The following CFAP97 variants were observed in gnomAD, a reference collection of about 807,000 sequenced individuals.
The protein encoded by CFAP97 is cilia- and flagella-associated protein 97.
In CFAP97, 36 loss-of-function variants were observed where a neutral mutation model predicts 43.1. The ratio of observed to expected loss-of-function variants is 0.84; its 90% confidence interval spans 0.64 to 1.10. The LOEUF is 1.10. CFAP97 is among the 50% of genes least tolerant of loss of function. The pLI, the probability that CFAP97 is intolerant of heterozygous loss-of-function variation, is 0.00. For synonymous variants in CFAP97, 228 were observed against 225.7 expected, an observed-to-expected ratio of 1.01 and a Z score of -0.09; for missense variants, 657 against 620.3, an observed-to-expected ratio of 1.06 and a Z score of -0.63.
rs984490599 is a variant in CFAP97 at position 185,162,553 on chromosome 4, T to C, written c.*245A>G. The C allele has an allele frequency of 1.7e-5, 8 of 463,432 alleles. No homozygotes were observed. In the South Asian group the frequency reaches 1.8e-4, roughly 10 times the overall value. The allele number at this position is 463,432 out of a possible 1,614,324, so 28.7% of individuals were successfully genotyped here. A position where few individuals can be genotyped will look rare whatever the true frequency, so the allele number is the denominator to read the frequency against. ...CAACTGAATAATTAGAAGATACACA[T>C]GCATACCACTATTTCTCTATTAAGA... On this transcript the variant is annotated 3_prime_UTR_variant, in exon 5 of 5. Transcript: ENST00000458385.
chr4:185,188,972 G>A (rs1037970892), intron 2 of CFAP97, among the ~76,000 whole-genome samples: 1 of 152,114 alleles, frequency 6.6e-6, no homozygotes, highest in Non-Finnish European at 1.5e-5. Context: ...ATGCAGTGGC[G>A]TGCACCCATA....
intron 2 of CFAP97, among the ~76,000 whole-genome samples, chr4:185,178,528 A>T (rs568904357): frequency 1.3e-5 from 2 of 152,210 alleles, no homozygotes; most frequent in Admixed American, 6.5e-5. Context: ...TACAGACATG[A>T]GCCACTGCAC....
At chr4:185,182,902 C>T (rs1420136354) in intron 2 of CFAP97, among the ~76,000 whole-genome samples, 1 of 152,092 alleles carries the variant, frequency 6.6e-6, no homozygotes, top group Non-Finnish European at 1.5e-5. Flanking sequence ...GAGTTCACGA[C>T]CAGCCTGGCC....
chr4:185,171,287 C>G (rs1263630242), intron 3 of CFAP97, among the ~76,000 whole-genome samples: 1 of 152,062 alleles, frequency 6.6e-6, no homozygotes, highest in Non-Finnish European at 1.5e-5. Flanking sequence ...ATCACTTCAG[C>G]CCAGGAGTTC....
intron 3 of CFAP97, chr4:185,169,955 A>C (rs1735230253): frequency 9.8e-7 from 1 of 1,020,266 alleles, no homozygotes; most frequent in African/African-American, 1.7e-5. Context: ...CTGTTAATCA[A>C]CAGATTAATA....
chr4:185,175,652 C>T, intron 3 of CFAP97, 134 bp downstream of exon 3: 1 of 752,022 alleles, frequency 1.3e-6, no homozygotes, highest in South Asian at 1.8e-5. Context: ...TCATATGTTT[C>T]ATACCACACA....
At chr4:185,199,865 T>C (rs921450778) in intron 1 of CFAP97, among the ~76,000 whole-genome samples, 3 of 122,102 alleles carry the variant, frequency 2.5e-5, no homozygotes, top group Non-Finnish European at 4.0e-5. Context: ...TCATTGACAA[T>C]GTACCTGGTC....
upstream of CFAP97, among the ~76,000 whole-genome samples, chr4:185,208,675 C>G (rs1018277868): frequency 1.3e-5 from 2 of 151,852 alleles, no homozygotes; most frequent in African/African-American, 4.8e-5. Flanking sequence ...TTGCAGTGAG[C>G]CGAGATCGCC....
chr4:185,176,440 A>G (rs1227208017), intron 2 of CFAP97, among the ~76,000 whole-genome samples: 2 of 152,138 alleles, frequency 1.3e-5, no homozygotes, highest in Non-Finnish European at 2.9e-5. Context: ...ACCCTTAAAA[A>G]TATGTATTAA....
At chr4:185,196,673 A>G (rs1736559980) in intron 1 of CFAP97, among the ~76,000 whole-genome samples, 1 of 152,244 alleles carries the variant, frequency 6.6e-6, no homozygotes, top group Non-Finnish European at 1.5e-5. Context: ...TGATACATAA[A>G]GATGGAATGA....
At chr4:185,210,204 C>T (rs1211704653), upstream of CFAP97, 1 of 984,872 alleles carries the variant, frequency 1.0e-6, no homozygotes, top group African/African-American at 1.8e-5. This position sits in a 1 kb window ranked among gnomAD's most constrained non-coding sequence, Gnocchi z 4.4. Flanking sequence ...CCGACTTCGC[C>T]GCCGCCTGGA....
At chr4:185,163,895 A>G in intron 4 of CFAP97, 134 bp downstream of exon 4, 2 of 773,200 alleles carry the variant, frequency 2.6e-6, no homozygotes, top group Non-Finnish European at 2.0e-6. Flanking sequence ...AAATAAAACA[A>G]AACATGACAG....
intron 2 of CFAP97, among the ~76,000 whole-genome samples, chr4:185,176,489 T>TC (rs1735548948): frequency 6.6e-6 from 1 of 152,132 alleles, no homozygotes; most frequent in East Asian, 1.9e-4. Flanking sequence ...ACTAATGACA[T>TC]CTAGATTACA....
chr4:185,181,028 G>C (rs898027953), intron 2 of CFAP97, among the ~76,000 whole-genome samples: 1 of 151,950 alleles, frequency 6.6e-6, no homozygotes, highest in African/African-American at 2.4e-5. Context: ...AAAAGTCAGC[G>C]AGTGGCAGAG....
chr4:185,198,688 C>G (rs1190990814), intron 1 of CFAP97, among the ~76,000 whole-genome samples: 1 of 151,040 alleles, frequency 6.6e-6, no homozygotes, highest in Non-Finnish European at 1.5e-5. Flanking sequence ...ACAGAGGAGG[C>G]TGAGGCAGGA....
intron 2 of CFAP97, among the ~76,000 whole-genome samples, chr4:185,184,590 G>A (rs1052348942): frequency 1.3e-5 from 2 of 152,170 alleles, no homozygotes; most frequent in Non-Finnish European, 2.9e-5. Flanking sequence ...CCAACACCAG[G>A]GCTGGAGGAA....
chr4:185,191,057 T>A lies in CFAP97; in HGVS notation c.140A>T (p.Asp47Val), dbSNP rs1736229882. Reference protein sequence around the residue: ...NDDPKERIDKDTKNVNSNTGM... With the variant: ...NDDPKERIDKVTKNVNSNTGM... Reference sequence around the variant, plus strand: ...AGTGTTCGAATTTACATTTTTTGTATCTTTATCTATTCTTTCCTTTGGGTC... The same window carrying A: ...AGTGTTCGAATTTACATTTTTTGTAACTTTATCTATTCTTTCCTTTGGGTC... Residue 47 changes from aspartate (D) to valine (V), a missense_variant, in exon 2 of 5, where the codon GAT (aspartate) becomes GTT (valine). By Grantham distance (152) the Asp-to-Val change is radical. Transcript: ENST00000458385. The A allele has an allele frequency of 6.2e-7, 1 of 1,613,526 alleles. No individual in the cohort carries two copies. Among genetic ancestry groups the A allele is most frequent in the Non-Finnish European group, 8.5e-7 (1 of 1,179,724 alleles).
At position 185,170,286 on chromosome 4, in the gene CFAP97, C is replaced by T. The variant is rs1260404921; in HGVS notation, c.1320+5500G>A. ...ACTTGAACCCAGGAGATGGAGGCTG[C>T]AAGGAGCCAAGATCACGTCACTGCA... is the stretch of plus-strand genomic sequence containing the variant. On this transcript the variant is annotated intron_variant, in intron 3 of 4. Coordinates refer to ENST00000458385, the MANE Select transcript of CFAP97 (RefSeq NM_020827.3). 1.5e-5 allele frequency: 10 copies of T among 654,864 alleles called. No individual in the cohort carries two copies. The Middle Eastern group carries it at 2.0e-3, about 133-fold the overall frequency. 40.6% of individuals were successfully genotyped at this position (654,864 alleles called of 1,614,324 possible). A position where few individuals can be genotyped will look rare whatever the true frequency, so the allele number is the denominator to read the frequency against.
chr4:185,175,899 C>A lies in CFAP97; in HGVS notation c.1207G>T (p.Glu403Ter). 1 of 1,613,930 alleles carries A rather than the reference C, an allele frequency of 6.2e-7. No homozygotes were observed. The highest frequency in any genetic ancestry group is 1.1e-5 in the South Asian group (1 of 91,068). The change falls in exon 3 of 5, where the codon GAA (glutamate) becomes TAA (stop). Residue 403 changes from glutamate to a stop codon, truncating the protein, a stop_gained. Transcript: ENST00000458385. LOFTEE classifies it high-confidence loss of function. ...RLLKELSRQAEKPGSKSTIPR... is the reference protein window; with the variant it reads ...RLLKELSRQA ...ATTGTACTTTTGCTTCCCGGCTTTT[C>A]CGCCTGTCTTGACAGTTCTTTCAAA...
Sources: allele counts gnomAD v4.1 joint callset (sites outside exome capture counted in the v4.1 genomes callset), GRCh38; gene constraint gnomAD v4.1.1; non-coding constraint Gnocchi (gnomAD v3.1); transcripts MANE v1.5; gene names NCBI Gene and HGNC (gene_info 2026-07-23, HGNC 2026-07-21).